Variants in UGT1A6 observed in about 807,000 individuals in gnomAD.
UGT1A6 encodes the protein UDP glucuronosyltransferase family 1 member A6.
UGT1A6 carries 32 observed loss-of-function variants against 44.4 expected under a neutral mutation model. That is an observed-to-expected ratio of 0.72 (90% confidence interval 0.54 to 0.97). UGT1A6 has a LOEUF of 0.97. Among genes scored for constraint, UGT1A6 ranks in the 50% least tolerant of loss-of-function variants. The pLI, the probability that UGT1A6 is intolerant of heterozygous loss-of-function variation, is 0.00. For missense variants in UGT1A6, 685 were observed against 661.9 expected (o/e 1.03, Z -0.38); for synonymous variants, 238 against 248.5 (o/e 0.96, Z 0.40).
At chr2:233,707,832 A>G (rs1428523705) in intron 1 of UGT1A6, among the ~76,000 whole-genome samples, 2 of 152,200 alleles carry the variant, frequency 1.3e-5, no homozygotes, top group African/African-American at 2.4e-5. Context: ...TTAATTTAAT[A>G]AGATGTAACT....
intron 1 of UGT1A6, among the ~76,000 whole-genome samples, chr2:233,711,893 G>C (rs2076203137): frequency 6.6e-6 from 1 of 152,200 alleles, no homozygotes; most frequent in South Asian, 2.1e-4. Flanking sequence ...CGAGTCTCAT[G>C]GGCGTGAGAC....
intron 1 of UGT1A6, among the ~76,000 whole-genome samples, chr2:233,710,685 A>T (rs2076142987): frequency 9.2e-5 from 14 of 152,132 alleles, no homozygotes; most frequent in Admixed American, 9.2e-4. Flanking sequence ...GTTTCTGTTT[A>T]CTTCTGGTGT....
intron 1 of UGT1A6, chr2:233,729,254 G>C (rs1181621220): frequency 1.2e-6 from 2 of 1,614,100 alleles, no homozygotes; most frequent in Admixed American, 1.7e-5. Context: ...CACTGGCTCA[G>C]CATGCGGGAG....
chr2:233,766,614 C>T (rs1699203096), intron 1 of UGT1A6, among the ~76,000 whole-genome samples: 1 of 152,184 alleles, frequency 6.6e-6, no homozygotes, highest in Non-Finnish European at 1.5e-5. Context: ...CCCTCTTCTA[C>T]CCAGCACTTC....
chr2:233,696,004 G>A (rs1283289203), intron 1 of UGT1A6, among the ~76,000 whole-genome samples: 1 of 152,002 alleles, frequency 6.6e-6, no homozygotes, highest in East Asian at 1.9e-4. Flanking sequence ...ATAGCATCAG[G>A]TCCCACAGAC....
intron 1 of UGT1A6, among the ~76,000 whole-genome samples, chr2:233,711,833 G>T (rs961269951): frequency 6.6e-6 from 1 of 152,218 alleles, no homozygotes; most frequent in African/African-American, 2.4e-5. Flanking sequence ...GGACAAGGAG[G>T]CGTCAGCAAT....
chr2:233,726,010 C>A (rs575189558), intron 1 of UGT1A6, among the ~76,000 whole-genome samples: 58 of 152,004 alleles, frequency 3.8e-4, no homozygotes, highest in African/African-American at 1.2e-3. Context: ...TACAAAAAAT[C>A]AAAAAATTAT....
chr2:233,738,870 C>T (rs1316553020), intron 1 of UGT1A6: 1 of 152,192 alleles, frequency 6.6e-6, no homozygotes, highest in Admixed American at 6.5e-5. Context: ...GAAAATGGCT[C>T]CAGGGCATGT....
chr2:233,744,974 C>T (rs1446449011), intron 1 of UGT1A6, among the ~76,000 whole-genome samples: 1 of 151,828 alleles, frequency 6.6e-6, no homozygotes. Flanking sequence ...CTTCTTTAAG[C>T]CTCTAGTCAT....
intron 4 of UGT1A6, among the ~76,000 whole-genome samples, chr2:233,771,914 AAC>A (rs1700408525): frequency 6.6e-6 from 1 of 152,068 alleles, no homozygotes; most frequent in African/African-American, 2.4e-5. Flanking sequence ...TGATAATAGT[AAC>A]ACAGCCTGGG....
In UGT1A6 at chr2:233,747,595, G is replaced by C. The variant is rs188498977; in HGVS notation, c.862-19439G>C. The C allele has an allele frequency of 1.4e-3, 2,167 of 1,576,574 alleles. 6 individuals are homozygous for C. Among genetic ancestry groups the C allele is most frequent in the Non-Finnish European group, 1.7e-3 (1,986 of 1,146,462 alleles). On this transcript the variant is annotated intron_variant, in intron 1 of 4. Transcript: ENST00000305139. ...TCATCTTTGGTCTTTCATAGGTCTT[G>C]TGTGGAGCTACTGCATAATGAGGCC...
At chr2:233,760,155 CT>C (rs1697330158) in intron 1 of UGT1A6, 26 of 1,487,798 alleles carry the variant, frequency 1.7e-5, no homozygotes, top group Non-Finnish European at 2.3e-5. Flanking sequence ...GAACTCCCTG[CT>C]ACCTTTGTGG....
Position 233,760,930 on chromosome 2 carries a change from A to G in UGT1A6, c.862-6104A>G, listed in dbSNP as rs144398951. 63 of 1,614,176 alleles carry G rather than the reference A, an allele frequency of 3.9e-5. 1 individual carries two copies. In the Middle Eastern group the frequency reaches 1.3e-3, roughly 34 times the overall value. On this transcript the variant is annotated intron_variant, in intron 1 of 4. Coordinates refer to ENST00000305139, the MANE Select transcript of UGT1A6 (RefSeq NM_001072.4). ...CCTGCAGCGGGTGAAGAACATGCTC[A>G]TTGCCTTTTCACAGAACTTTCTGTG...
intron 1 of UGT1A6, chr2:233,713,604 A>G (rs1179770710): frequency 6.2e-7 from 1 of 1,613,926 alleles, no homozygotes; most frequent in South Asian, 1.1e-5. Flanking sequence ...TTCAGACCAC[A>G]TGACATTCCT....
In UGT1A6 at chr2:233,745,331, C is replaced by A. The variant is rs932563797; in HGVS notation, c.862-21703C>A. Among the ~76,000 whole-genome samples, 35 of 151,966 alleles carry A rather than the reference C, an allele frequency of 2.3e-4. 1 individual carries two copies. The highest frequency in any genetic ancestry group is 8.2e-4 in the African/African-American group (34 of 41,248). ...ATTATTTCCACTAGAACTGCTATAT[C>A]ATGACCATGAATTTTGGGGGAATTT... is the stretch of plus-strand genomic sequence containing the variant. On this transcript the variant is annotated intron_variant, in intron 1 of 4. Transcript: ENST00000305139.
intron 1 of UGT1A6, among the ~76,000 whole-genome samples, chr2:233,765,979 G>A (rs1451312439): frequency 1.3e-5 from 2 of 152,138 alleles, no homozygotes; most frequent in Non-Finnish European, 2.9e-5. Flanking sequence ...GATGTTTACA[G>A]CTCCTGAAGC....
intron 1 of UGT1A6, chr2:233,713,278 ACACT>A: frequency 6.2e-7 from 1 of 1,614,252 alleles, no homozygotes; most frequent in Non-Finnish European, 8.5e-7. Context: ...TTGCTGGGTC[ACACT>A]CAATCGTTCT....
In UGT1A6 at chr2:233,744,132, C is replaced by G. The variant is rs576185082; in HGVS notation, c.862-22902C>G. The G allele has an allele frequency of 6.1e-4, 215 of 354,750 alleles. 4 individuals are homozygous for G. The highest frequency in any genetic ancestry group is 4.3e-3 in the African/African-American group (200 of 46,340). 22.0% of individuals were successfully genotyped at this position (354,750 alleles called of 1,614,324 possible). A position where few individuals can be genotyped will look rare whatever the true frequency, so the allele number is the denominator to read the frequency against. On this transcript the variant is annotated intron_variant, in intron 1 of 4. Transcript: ENST00000305139. ...CTGCTCTCTGTGAGGCTCTGTGAGGCCCTGTGATGCTCCAAGACCAGGCCC... is the reference window on the plus strand; with the variant it reads ...CTGCTCTCTGTGAGGCTCTGTGAGGGCCTGTGATGCTCCAAGACCAGGCCC...
At chr2:233,716,940 T>A (rs2076534957) in intron 1 of UGT1A6, among the ~76,000 whole-genome samples, 1 of 152,150 alleles carries the variant, frequency 6.6e-6, no homozygotes, top group Non-Finnish European at 1.5e-5. Flanking sequence ...GCTCCTCCTA[T>A]TTCCCAGGCA....
Sources: gnomAD v4.1 joint callset for allele counts (sites outside exome capture counted in the v4.1 genomes callset) on GRCh38, gnomAD v4.1.1 for gene constraint, MANE v1.5 for transcripts, NCBI Gene and HGNC (gene_info 2026-07-23, HGNC 2026-07-21) for gene names.